The following FAM91A1 variants were observed in gnomAD, a reference collection of about 807,000 sequenced individuals.
The protein encoded by FAM91A1 is protein FAM91A1.
FAM91A1 carries 41 observed loss-of-function variants against 113.5 expected under a neutral mutation model. The ratio of observed to expected loss-of-function variants is 0.36; its 90% CI spans 0.28 to 0.47. FAM91A1 has a LOEUF of 0.47. Ranked by LOEUF, FAM91A1 falls within the 20% of genes least tolerant of loss-of-function variation. The probability of loss-of-function intolerance (pLI) is 1.00; values close to 1 mark genes in which losing one functional copy is unlikely to be tolerated. For synonymous variants in FAM91A1, 307 were observed against 347.9 expected (o/e 0.88, Z 1.31); for missense variants, 696 against 1,001.2 (o/e 0.70, Z 4.11).
chr8:123,798,425 C>T (rs1220202554), intron 16 of FAM91A1, among the ~76,000 whole-genome samples, 187 bp downstream of exon 16: 1 of 152,086 alleles, frequency 6.6e-6, no homozygotes, highest in East Asian at 1.9e-4. Flanking sequence ...ATAAGTATCA[C>T]CTAGTGACTT....
chr8:123,800,497 A>G (rs1318491409), intron 18 of FAM91A1, among the ~76,000 whole-genome samples: 1 of 152,156 alleles, frequency 6.6e-6, no homozygotes, highest in Non-Finnish European at 1.5e-5. Flanking sequence ...AAAGGGGACT[A>G]TTGTATTGAG....
At chr8:123,786,672 C>G (rs1815266940) in intron 12 of FAM91A1, 62 bp downstream of exon 12, 2 of 1,190,480 alleles carry the variant, frequency 1.7e-6, no homozygotes. Context: ...TCCAAACATA[C>G]ACTCTTACAG....
intron 15 of FAM91A1, among the ~76,000 whole-genome samples, chr8:123,791,267 T>A (rs1815375845): frequency 6.6e-6 from 1 of 151,240 alleles, no homozygotes; most frequent in Admixed American, 6.6e-5. Flanking sequence ...GAGCCAGGAA[T>A]GGAAGACTTG....
At position 123,778,769 on chromosome 8, in the gene FAM91A1, C is replaced by A. The variant is rs752491878; in HGVS notation, c.546C>A (p.Ile182=). Residue 182 remains isoleucine (I), a synonymous_variant, in exon 6 of 24, where the codon ATC becomes ATA. Coordinates refer to ENST00000334705, the MANE Select transcript of FAM91A1 (RefSeq NM_144963.4). The part of the protein sequence containing the change: ...VQAGYITEDD[I]KICTLPEKCA... The stretch of plus-strand genomic sequence containing the variant: ...CTGGCTATATCACAGAAGATGACAT[C>A]AAGGTAGAAATCTTTAAAAGTTAAA... The A allele has an allele frequency of 2.6e-6, 4 of 1,511,408 alleles. No individual in the cohort carries two copies. Among genetic ancestry groups the A allele is most frequent in the East Asian group, 2.5e-5 (1 of 40,816 alleles). The allele number at this position is 1,511,408 out of a possible 1,614,324, so 93.6% of individuals were successfully genotyped here.
At chr8:123,775,010 A>G in intron 2 of FAM91A1, 137 bp from the exon 3 acceptor site, 1 of 852,352 alleles carries the variant, frequency 1.2e-6, no homozygotes, top group Non-Finnish European at 1.7e-6. Flanking sequence ...CTTTGTTCCA[A>G]CTTAGAATAT....
chr8:123,790,058 G>A (rs960785862), intron 15 of FAM91A1, among the ~76,000 whole-genome samples: 1 of 152,050 alleles, frequency 6.6e-6, no homozygotes, highest in Non-Finnish European at 1.5e-5. Context: ...GGGTGAACAA[G>A]GGCAAAATTT....
At chr8:123,780,177 G>A (rs1815085487) in intron 7 of FAM91A1, 102 bp downstream of exon 7, 1 of 977,468 alleles carries the variant, frequency 1.0e-6, no homozygotes, top group Non-Finnish European at 1.5e-6. Flanking sequence ...AATAGTACTA[G>A]TTTCTAAGGC....
chr8:123,784,454 CTTCTG>C lies in FAM91A1; in HGVS notation c.704-13_704-9del, dbSNP rs745373742. 3 of 1,572,480 alleles carry C rather than the reference CTTCTG, an allele frequency of 1.9e-6. No individual in the cohort carries two copies. The highest frequency in any genetic ancestry group is 1.4e-5 in the African/African-American group (1 of 73,244). On this transcript the variant is annotated splice_polypyrimidine_tract_variant and intron_variant, in intron 8 of 23. Coordinates refer to ENST00000334705, the MANE Select transcript of FAM91A1 (RefSeq NM_144963.4). ...AAATCTGTACCACTGAGAAAAATCT[CTTCTG>C]TTTGTTTTAGTTCCACCTCTTGAAG...
chr8:123,772,685 C>G (rs902789164), intron 1 of FAM91A1, among the ~76,000 whole-genome samples: 11 of 152,202 alleles, frequency 7.2e-5, no homozygotes, highest in African/African-American at 2.7e-4. Context: ...TAACTTTTGA[C>G]TTCCCCAGAA....
Position 123,809,394 on chromosome 8 carries a change from T to C in FAM91A1, c.2261+378T>C, listed in dbSNP as rs965669437. On this transcript the variant is annotated intron_variant, in intron 22 of 23. Coordinates refer to ENST00000334705, the MANE Select transcript of FAM91A1 (RefSeq NM_144963.4). ...ACATACACACACTCATGTTATATTC[T>C]GTTAATAGTGATTGGTTTTTGTGGT... Among the ~76,000 whole-genome samples the C allele has an allele frequency of 5.3e-5, 8 of 152,356 alleles. No homozygotes were observed. In the South Asian group the frequency reaches 1.7e-3, roughly 32 times the overall value.
intron 2 of FAM91A1, among the ~76,000 whole-genome samples, chr8:123,774,939 T>G (rs543465128): frequency 7.2e-5 from 11 of 152,352 alleles, no homozygotes; most frequent in African/African-American, 2.6e-4. Flanking sequence ...TATTCTCTAC[T>G]AATCTGTCCT....
At chr8:123,771,232 G>A (rs909865224) in intron 1 of FAM91A1, among the ~76,000 whole-genome samples, 1 of 152,090 alleles carries the variant, frequency 6.6e-6, no homozygotes. Context: ...TGCATTTTGT[G>A]GTTACAATAC....
chr8:123,780,630 T>G (rs563779194), intron 8 of FAM91A1, 88 bp downstream of exon 8: 67 of 1,059,850 alleles, frequency 6.3e-5, no homozygotes, highest in Middle Eastern at 6.3e-4. Flanking sequence ...ATCTTAGATG[T>G]TAGGATATTT....
intron 18 of FAM91A1, among the ~76,000 whole-genome samples, chr8:123,800,599 A>C (rs1463876422): frequency 6.6e-6 from 1 of 152,024 alleles, no homozygotes; most frequent in Non-Finnish European, 1.5e-5. Flanking sequence ...CCATCACCAC[A>C]CTCAATTTTA....
intron 15 of FAM91A1, among the ~76,000 whole-genome samples, 184 bp from the exon 16 acceptor site, chr8:123,797,906 A>G (rs1815570330): frequency 6.6e-6 from 1 of 152,050 alleles, no homozygotes; most frequent in African/African-American, 2.4e-5. Flanking sequence ...AGAATAAAAC[A>G]TTTTAGCTTT....
intron 23 of FAM91A1, 126 bp from the exon 24 acceptor site, chr8:123,812,393 T>TG: frequency 1.7e-5 from 10 of 575,390 alleles, no homozygotes; most frequent in South Asian, 1.5e-4. Context: ...GATCTTTGCA[T>TG]CTCCTGTACT....
At chr8:123,779,927 G>T (rs1815079573) in intron 6 of FAM91A1, 58 bp from the exon 7 acceptor site, 1 of 1,396,142 alleles carries the variant, frequency 7.2e-7, no homozygotes, top group Non-Finnish European at 1.0e-6. Flanking sequence ...AATTTCAGGA[G>T]ACTTGTGAAT....
At position 123,789,696 on chromosome 8, in the gene FAM91A1, T is replaced by C; in HGVS notation, c.1362T>C (p.His454=). ...TLRNTILFLR[H]NKDLVAQTAQ... ...GAAACACAATACTGTTTCTGCGTCA[T>C]AACAAAGATCTAGTTGCGCAAACTG... is the stretch of plus-strand genomic sequence containing the variant. The change falls in exon 15 of 24, where the codon CAT becomes CAC. Residue 454 remains histidine, a synonymous_variant. Transcript: ENST00000334705. 1.2e-6 allele frequency: 2 copies of C among 1,613,280 alleles called. No homozygotes were observed. The highest frequency in any genetic ancestry group is 1.1e-5 in the South Asian group (1 of 91,026).
chr8:123,799,679 T>C (rs1473517303), intron 17 of FAM91A1, 25 bp downstream of exon 17: 5 of 1,612,848 alleles, frequency 3.1e-6, no homozygotes, highest in Admixed American at 1.7e-5. Context: ...TTTGGGTGGT[T>C]TTTTTATGTG....
Sources: gnomAD v4.1 joint callset for allele counts (sites outside exome capture counted in the v4.1 genomes callset) on GRCh38, gnomAD v4.1.1 for gene constraint, MANE v1.5 for transcripts, NCBI Gene and HGNC (gene_info 2026-07-23, HGNC 2026-07-21) for gene names.